The following SPAST variants were observed in gnomAD, a reference collection of about 807,000 sequenced individuals.
SPAST encodes spastic paraplegia 4 (autosomal dominant; spastin).
In SPAST, 30 loss-of-function variants were observed where a neutral mutation model predicts 76.6. The observed-to-expected ratio is 0.39, with a 90% CI of 0.29 to 0.53. The LOEUF is 0.53. Ranked by LOEUF, SPAST falls within the 20% of genes least tolerant of loss-of-function variation. The pLI, the probability that SPAST is intolerant of heterozygous loss-of-function variation, is 0.68. For synonymous variants in SPAST, 305 were observed against 281.0 expected, an observed-to-expected ratio of 1.09 and a Z score of -0.86; for missense variants, 717 against 770.5, an observed-to-expected ratio of 0.93 and a Z score of 0.82.
At chr2:32,123,721 C>T (rs1418524755) in intron 7 of SPAST, among the ~76,000 whole-genome samples, 3 of 152,166 alleles carry the variant, frequency 2.0e-5, no homozygotes, top group Non-Finnish European at 4.4e-5. Flanking sequence ...TCAACCCACA[C>T]AGATAAAGTC....
At chr2:32,116,836 C>T (rs149799927) in intron 7 of SPAST, among the ~76,000 whole-genome samples, 11 of 152,158 alleles carry the variant, frequency 7.2e-5, no homozygotes, top group South Asian at 4.1e-4. Context: ...AGTGTGGGGG[C>T]GCACGCTTGT....
At chr2:32,073,464 A>T (rs376400812) in intron 1 of SPAST, among the ~76,000 whole-genome samples, 3 of 152,108 alleles carry the variant, frequency 2.0e-5, no homozygotes, top group African/African-American at 7.2e-5. Context: ...CTACTCTTCT[A>T]TATTAGTTTT....
intron 7 of SPAST, among the ~76,000 whole-genome samples, chr2:32,117,760 G>T (rs980468433): frequency 4.6e-5 from 7 of 152,050 alleles, no homozygotes; most frequent in African/African-American, 1.7e-4. Context: ...TCAAACTCCT[G>T]GCTTCAGATG....
At chr2:32,064,987 A>G (rs1471558527) in intron 1 of SPAST, among the ~76,000 whole-genome samples, 1 of 152,178 alleles carries the variant, frequency 6.6e-6, no homozygotes, top group Non-Finnish European at 1.5e-5. Context: ...GAATGAAAGC[A>G]AGGATACTAC....
chr2:32,103,297 G>A (rs1009826439), intron 4 of SPAST, among the ~76,000 whole-genome samples: 2 of 152,098 alleles, frequency 1.3e-5, no homozygotes, highest in African/African-American at 4.8e-5. Context: ...GCATTTCTGT[G>A]GAATCGGTGG....
intron 7 of SPAST, among the ~76,000 whole-genome samples, chr2:32,118,909 AAAT>A (rs1308744325): frequency 1.3e-5 from 2 of 152,226 alleles, no homozygotes; most frequent in Non-Finnish European, 2.9e-5. Context: ...AACATATCTA[AAAT>A]AATAAGTAAC....
intron 1 of SPAST, among the ~76,000 whole-genome samples, chr2:32,082,377 T>G (rs1394436682): frequency 6.6e-6 from 1 of 152,062 alleles, no homozygotes; most frequent in African/African-American, 2.4e-5. Context: ...TCTTATACAT[T>G]AAATGTTGGA....
intron 1 of SPAST, among the ~76,000 whole-genome samples, chr2:32,072,622 T>A (rs1034022226): frequency 6.6e-6 from 1 of 152,260 alleles, no homozygotes; most frequent in Admixed American, 6.6e-5. Context: ...GAGTTTTATT[T>A]TTTGCTTACC....
chr2:32,139,385 A>G (rs544904202), intron 12 of SPAST, among the ~76,000 whole-genome samples: 2 of 152,324 alleles, frequency 1.3e-5, no homozygotes, highest in African/African-American at 4.8e-5. Context: ...AATTCCGTCA[A>G]AAGGCTACTA....
At chr2:32,145,685 T>C (rs992320659) in intron 15 of SPAST, among the ~76,000 whole-genome samples, 3 of 152,220 alleles carry the variant, frequency 2.0e-5, no homozygotes, top group African/African-American at 7.2e-5. Flanking sequence ...GCAAAATATT[T>C]ATTGCTATGT....
intron 7 of SPAST, among the ~76,000 whole-genome samples, chr2:32,117,449 T>C (rs1475503091): frequency 1.3e-5 from 2 of 151,662 alleles, no homozygotes; most frequent in Non-Finnish European, 2.9e-5. Flanking sequence ...AAACAAGTAC[T>C]TTATGGGAAA....
chr2:32,068,942 G>A (rs1032174688), intron 1 of SPAST, among the ~76,000 whole-genome samples: 2 of 151,902 alleles, frequency 1.3e-5, no homozygotes, highest in African/African-American at 4.8e-5. Flanking sequence ...GGGTGCAGTG[G>A]CCCATGCCTG....
At chr2:32,101,544 G>C (rs1678126362) in intron 4 of SPAST, among the ~76,000 whole-genome samples, 1 of 151,464 alleles carries the variant, frequency 6.6e-6, no homozygotes, top group Non-Finnish European at 1.5e-5. Flanking sequence ...GCCCATGCCA[G>C]TGCCCATGCC....
intron 1 of SPAST, among the ~76,000 whole-genome samples, chr2:32,073,038 A>C (rs963778021): frequency 1.3e-5 from 2 of 152,150 alleles, no homozygotes; most frequent in Non-Finnish European, 2.9e-5. Context: ...ACAAAAAAGC[A>C]GCCACTGTTA....
intron 16 of SPAST, among the ~76,000 whole-genome samples, chr2:32,147,639 TTTGTTTG>T (rs1573175311): frequency 6.9e-6 from 1 of 144,906 alleles, no homozygotes; most frequent in Non-Finnish European, 1.5e-5. Flanking sequence ...TGTTTGTTTG[TTTGTTTG>T]TTTGAGACGG....
intron 1 of SPAST, among the ~76,000 whole-genome samples, chr2:32,079,433 C>T (rs78688080): frequency 0.018 from 2,698 of 151,580 alleles, 86 homozygotes; most frequent in African/African-American, 0.062. Context: ...ATCGCTTAAG[C>T]CTAGGAGGCG....
At chr2:32,127,488 G>T in intron 8 of SPAST, 1 of 163,362 alleles carries the variant, frequency 6.1e-6, no homozygotes, top group Non-Finnish European at 1.3e-5. Flanking sequence ...GTTATCTTCA[G>T]TAGTGTGTTT....
intron 13 of SPAST, 122 bp from the exon 14 acceptor site, chr2:32,143,214 G>A: frequency 1.5e-6 from 1 of 646,780 alleles, no homozygotes; most frequent in Admixed American, 2.5e-5. Flanking sequence ...GCTATAGTGA[G>A]CTATGATTGT....
intron 1 of SPAST, among the ~76,000 whole-genome samples, chr2:32,071,969 A>G (rs1389331254): frequency 2.6e-5 from 4 of 152,234 alleles, no homozygotes; most frequent in Admixed American, 6.5e-5. Context: ...TCCCCACAAG[A>G]GAAAGCTTTG....
Sources: allele counts gnomAD v4.1 joint callset (sites outside exome capture counted in the v4.1 genomes callset), GRCh38; gene constraint gnomAD v4.1.1; transcripts MANE v1.5; gene names NCBI Gene and HGNC (gene_info 2026-07-23, HGNC 2026-07-21).